The following PTPRK variants were observed in gnomAD, a reference collection of about 807,000 sequenced individuals.
PTPRK encodes the protein protein tyrosine phosphatase receptor type K, also known as receptor-type tyrosine-protein phosphatase kappa.
A neutral mutation model predicts 178.0 loss-of-function variants in PTPRK; 75 were observed. The observed-to-expected ratio is 0.42, with a 90% CI of 0.35 to 0.51. The LOEUF (loss-of-function observed/expected upper bound fraction) is 0.51, where lower values mean the gene tolerates loss of function less well. Ranked by LOEUF, PTPRK falls within the 20% of genes least tolerant of loss-of-function variation. The pLI, the probability that PTPRK is intolerant of heterozygous loss-of-function variation, is 0.02. For missense variants in PTPRK, 1,441 were observed against 1,797.8 expected (o/e 0.80, Z 3.59); for synonymous variants, 637 against 620.6 (o/e 1.03, Z -0.39).
intron 3 of PTPRK, among the ~76,000 whole-genome samples, chr6:128,283,474 G>C (rs916361085): frequency 6.6e-6 from 1 of 152,078 alleles, no homozygotes; most frequent in Admixed American, 6.6e-5. Context: ...ATAATGCTGG[G>C]GGAAAGAGAG....
intron 2 of PTPRK, among the ~76,000 whole-genome samples, chr6:128,339,816 T>A (rs1831429375): frequency 6.6e-6 from 1 of 152,174 alleles, no homozygotes; most frequent in Non-Finnish European, 1.5e-5. Flanking sequence ...TTATTTAGAC[T>A]TAGAAAAGGT....
intron 2 of PTPRK, among the ~76,000 whole-genome samples, chr6:128,347,961 C>A (rs778265101): frequency 6.6e-6 from 1 of 151,874 alleles, no homozygotes; most frequent in Non-Finnish European, 1.5e-5. Flanking sequence ...CTTGCTTTAT[C>A]AGAAATACAA....
intron 15 of PTPRK, among the ~76,000 whole-genome samples, chr6:128,002,955 T>C (rs746751274): frequency 1.3e-5 from 2 of 151,954 alleles, no homozygotes; most frequent in Non-Finnish European, 2.9e-5. Context: ...AAGGGCCATG[T>C]ACTTTTGCTC....
At chr6:128,261,193 T>C (rs1432168020) in intron 3 of PTPRK, among the ~76,000 whole-genome samples, 1 of 152,152 alleles carries the variant, frequency 6.6e-6, no homozygotes, top group Non-Finnish European at 1.5e-5. Flanking sequence ...TCAATTTTTG[T>C]TCAAACATAT....
intron 1 of PTPRK, chr6:128,518,882 T>A: frequency 4.7e-6 from 2 of 421,118 alleles, no homozygotes; most frequent in Non-Finnish European, 9.5e-6. Context: ...GAGTTCTAAA[T>A]GGGGCGGGGG....
Position 128,184,531 on chromosome 6 carries a change from G to T in PTPRK, c.1063C>A (p.Pro355Thr), listed in dbSNP as rs766425950. 1.2e-6 allele frequency: 2 copies of T among 1,613,792 alleles called. No individual in the cohort carries two copies. The highest frequency in any genetic ancestry group is 1.3e-5 in the African/African-American group (1 of 74,872). Reference sequence around the variant, plus strand: ...ACTCGGATCTCATATTCGGTATCTGGATCTAAATGCCATAATTTGTAAGTT... The same window carrying T: ...ACTCGGATCTCATATTCGGTATCTGTATCTAAATGCCATAATTTGTAAGTT... ...APTYKLWHLD[P>T]DTEYEIRVLL... The change falls in exon 7 of 30, where the codon CCA (proline) becomes ACA (threonine). Residue 355 changes from proline to threonine, a missense_variant. Transcript: ENST00000368226.
intron 7 of PTPRK, among the ~76,000 whole-genome samples, chr6:128,115,577 G>A (rs1050696300): frequency 8.6e-5 from 13 of 152,018 alleles, no homozygotes; most frequent in African/African-American, 2.7e-4. Flanking sequence ...GGAGTGAAGA[G>A]ATAAATTTCA....
chr6:127,972,315 C>T (rs565322445), intron 29 of PTPRK, among the ~76,000 whole-genome samples: 1 of 152,340 alleles, frequency 6.6e-6, no homozygotes, highest in East Asian at 1.9e-4. Flanking sequence ...TGCTCCCAAC[C>T]TGATCCCACC....
At chr6:128,154,210 A>G (rs1162228847) in intron 7 of PTPRK, among the ~76,000 whole-genome samples, 1 of 151,764 alleles carries the variant, frequency 6.6e-6, no homozygotes, top group Non-Finnish European at 1.5e-5. Flanking sequence ...GATATATATT[A>G]ATAATTAAAA....
chr6:128,275,509 A>G (rs1399602605), intron 3 of PTPRK, among the ~76,000 whole-genome samples: 2 of 152,050 alleles, frequency 1.3e-5, no homozygotes, highest in Admixed American at 1.3e-4. Flanking sequence ...CTAAAGAAAA[A>G]AGAGCTAATC....
At chr6:128,283,665 T>C (rs1822029196) in intron 3 of PTPRK, among the ~76,000 whole-genome samples, 1 of 152,110 alleles carries the variant, frequency 6.6e-6, no homozygotes, top group African/African-American at 2.4e-5. Context: ...GCAATGCACA[T>C]ATTCATACTA....
intron 8 of PTPRK, among the ~76,000 whole-genome samples, chr6:128,085,623 A>C (rs1785646192): frequency 6.6e-6 from 1 of 152,238 alleles, no homozygotes; most frequent in Non-Finnish European, 1.5e-5. Context: ...ATCGTTCAAT[A>C]ATAGGGATGG....
intron 13 of PTPRK, among the ~76,000 whole-genome samples, chr6:128,054,862 T>C (rs1328871594): frequency 6.6e-6 from 1 of 152,204 alleles, no homozygotes; most frequent in East Asian, 1.9e-4. Flanking sequence ...GACCAGCTTA[T>C]AATCCTGCTT....
chr6:128,395,426 G>C (rs1840172485), intron 2 of PTPRK, among the ~76,000 whole-genome samples: 1 of 152,118 alleles, frequency 6.6e-6, no homozygotes, highest in Non-Finnish European at 1.5e-5. Context: ...TCAAAGGTGA[G>C]CCAACAAGGT....
chr6:128,177,405 T>C (rs1801232552), intron 7 of PTPRK, among the ~76,000 whole-genome samples: 1 of 151,830 alleles, frequency 6.6e-6, no homozygotes, highest in African/African-American at 2.4e-5. Context: ...AGATTTATTG[T>C]AGTTATGCAA....
chr6:128,145,327 T>C (rs531263495), intron 7 of PTPRK, among the ~76,000 whole-genome samples: 2 of 152,142 alleles, frequency 1.3e-5, no homozygotes, highest in African/African-American at 4.8e-5. Flanking sequence ...GTGGAGCTGA[T>C]GGAGAGATTT....
In PTPRK at chr6:128,067,720, G is replaced by A. The variant is rs1414021799; in HGVS notation, c.1956C>T (p.Tyr652=). The A allele has an allele frequency of 6.2e-7, 1 of 1,613,560 alleles. No individual in the cohort carries two copies. Among genetic ancestry groups the A allele is most frequent in the Non-Finnish European group, 8.5e-7 (1 of 1,179,704 alleles). Reference sequence around the variant, plus strand: ...CATTTTGGTATGTGACAGGAACCTGGTAGCATTCCATGGCTCCGGCTTCTC... The same window carrying A: ...CATTTTGGTATGTGACAGGAACCTGATAGCATTCCATGGCTCCGGCTTCTC... ...TKREAGAMEC[Y]QVPVTYQNAM... is the part of the protein sequence containing the mutation. The change falls in exon 12 of 30, where the codon TAC becomes TAT. Residue 652 remains tyrosine (Y), a synonymous_variant. Transcript: ENST00000368226.
rs540078680 is a variant in PTPRK at position 128,303,511 on chromosome 6, T to C, written c.495+18528A>G. Among the ~76,000 whole-genome samples, 6 of 152,330 alleles carry C rather than the reference T, an allele frequency of 3.9e-5. No individual in the cohort carries two copies. In the East Asian group the frequency reaches 1.2e-3, roughly 29 times the overall value. On this transcript the variant is annotated intron_variant, in intron 3 of 29. Coordinates refer to ENST00000368226, the MANE Select transcript of PTPRK (RefSeq NM_002844.4). Reference sequence around the variant, plus strand: ...CTACTATATTTCTCATCAGTTCTCTTCCATGCTACTGCCTAGGTTATATTT... The same window carrying C: ...CTACTATATTTCTCATCAGTTCTCTCCCATGCTACTGCCTAGGTTATATTT...
intron 16 of PTPRK, among the ~76,000 whole-genome samples, chr6:127,998,268 G>C (rs988892185): frequency 6.6e-6 from 1 of 151,848 alleles, no homozygotes; most frequent in Non-Finnish European, 1.5e-5. Context: ...ACTGAGAGTG[G>C]CAAGTAGTAT....
Sources: gnomAD v4.1 joint callset for allele counts (sites outside exome capture counted in the v4.1 genomes callset) on GRCh38, gnomAD v4.1.1 for gene constraint, MANE v1.5 for transcripts, NCBI Gene and HGNC (gene_info 2026-07-23, HGNC 2026-07-21) for gene names.